The following RBM20 variants were observed in gnomAD, a reference collection of about 807,000 sequenced individuals.
RBM20 encodes the protein RNA binding motif protein 20.
Under a neutral mutation model 110.1 loss-of-function variants are expected in RBM20, and 51 were observed. That is an observed-to-expected ratio of 0.46 (90% CI 0.37 to 0.59). The LOEUF (loss-of-function observed/expected upper bound fraction) is 0.59, where lower values mean the gene tolerates loss of function less well. Ranked by LOEUF, RBM20 falls within the 20% of genes least tolerant of loss-of-function variation. The pLI is 0.00. For synonymous variants in RBM20, 589 were observed against 618.2 expected, an observed-to-expected ratio of 0.95 and a Z score of 0.70; for missense variants, 1,512 against 1,574.9, an observed-to-expected ratio of 0.96 and a Z score of 0.68.
intron 1 of RBM20, among the ~76,000 whole-genome samples, chr10:110,762,637 G>A (rs990507591): frequency 2.0e-5 from 3 of 152,162 alleles, no homozygotes; most frequent in Admixed American, 6.5e-5. Context: ...CAGGTGACAC[G>A]TGGCTCCTAC....
intron 1 of RBM20, among the ~76,000 whole-genome samples, chr10:110,760,907 T>A (rs1843989506): frequency 6.7e-6 from 1 of 149,542 alleles, no homozygotes; most frequent in African/African-American, 2.4e-5. Context: ...GCCTGGACAA[T>A]ATGGTGAAAC....
chr10:110,763,503 G>A (rs928809821), intron 1 of RBM20, among the ~76,000 whole-genome samples: 1 of 152,172 alleles, frequency 6.6e-6, no homozygotes, highest in African/African-American at 2.4e-5. Context: ...TGGAATGATG[G>A]TTGCTTTGCA....
intron 1 of RBM20, among the ~76,000 whole-genome samples, chr10:110,652,418 G>A (rs1049490159): frequency 6.6e-6 from 1 of 152,062 alleles, no homozygotes; most frequent in African/African-American, 2.4e-5. Flanking sequence ...CAGTGAGCAT[G>A]TATTACTTTT....
intron 1 of RBM20, among the ~76,000 whole-genome samples, chr10:110,670,935 T>C (rs965694423): frequency 2.0e-5 from 3 of 152,258 alleles, no homozygotes; most frequent in African/African-American, 7.2e-5. Flanking sequence ...ACATTCTATT[T>C]TCCTGTTAAC....
chr10:110,688,255 G>C (rs1304202409), intron 1 of RBM20, among the ~76,000 whole-genome samples: 1 of 152,118 alleles, frequency 6.6e-6, no homozygotes, highest in Non-Finnish European at 1.5e-5. Flanking sequence ...AACAAAATCT[G>C]ACTTGATAGG....
chr10:110,730,480 C>T (rs535996481), intron 1 of RBM20, among the ~76,000 whole-genome samples: 3 of 152,336 alleles, frequency 2.0e-5, no homozygotes, highest in African/African-American at 7.2e-5. Context: ...CCCGAGGACT[C>T]CTCTAGCCTA....
intron 1 of RBM20, 125 bp from the exon 2 acceptor site, chr10:110,780,676 T>C: frequency 1.8e-6 from 2 of 1,106,676 alleles, no homozygotes; most frequent in Non-Finnish European, 2.5e-6. Context: ...CAGATTCACT[T>C]GTATGTGGGA....
intron 1 of RBM20, among the ~76,000 whole-genome samples, chr10:110,663,670 T>G (rs1242878379): frequency 1.3e-5 from 2 of 152,126 alleles, no homozygotes; most frequent in Non-Finnish European, 2.9e-5. Flanking sequence ...ACAAAAGTAA[T>G]CCCCAAAAAT....
chr10:110,684,160 C>T (rs777307540), intron 1 of RBM20, among the ~76,000 whole-genome samples: 4 of 152,082 alleles, frequency 2.6e-5, no homozygotes, highest in Non-Finnish European at 5.9e-5. Context: ...TTTGGGAGGC[C>T]GAGGCAGGTG....
chr10:110,780,632 T>C (rs2135040162), intron 1 of RBM20, among the ~76,000 whole-genome samples, 169 bp from the exon 2 acceptor site: 1 of 152,164 alleles, frequency 6.6e-6, no homozygotes, highest in South Asian at 2.1e-4. Context: ...TTTTTTTTTT[T>C]TTTTTAATGT....
chr10:110,727,562 G>C (rs1351327506), intron 1 of RBM20, among the ~76,000 whole-genome samples: 1 of 152,030 alleles, frequency 6.6e-6, no homozygotes, highest in Admixed American at 6.6e-5. Context: ...GCAATGTTTT[G>C]ATATAAAGAA....
At chr10:110,773,963 G>A (rs1054736704) in intron 1 of RBM20, among the ~76,000 whole-genome samples, 2 of 152,138 alleles carry the variant, frequency 1.3e-5, no homozygotes, top group African/African-American at 4.8e-5. Flanking sequence ...TGTTTAACTG[G>A]CCCAAAGGAA....
Position 110,812,914 on chromosome 10 carries a change from T to G in RBM20, c.2517T>G (p.Asp839Glu). Residue 839 changes from aspartate to glutamate, a missense_variant, in exon 9 of 14, where the codon GAT becomes GAG. Physicochemically the swap from Asp to Glu is conservative, Grantham distance 45. Transcript: ENST00000369519. ...KRTDRDQEGA[D>E]DRKENTMAEN... Reference sequence around the variant, plus strand: ...CTGATAGAGACCAAGAAGGAGCTGATGATAGAAAAGAAAACACAATGGCAG... The same window carrying G: ...CTGATAGAGACCAAGAAGGAGCTGAGGATAGAAAAGAAAACACAATGGCAG... The G allele has an allele frequency of 6.9e-7, 1 of 1,453,674 alleles. No individual in the cohort carries two copies. Among genetic ancestry groups the G allele is most frequent in the Non-Finnish European group, 9.1e-7 (1 of 1,101,702 alleles). The allele number at this position is 1,453,674 out of a possible 1,614,324, so 90.0% of individuals were successfully genotyped here. A position where few individuals can be genotyped will look rare whatever the true frequency, so the allele number is the denominator to read the frequency against.
chr10:110,828,037 C>T (rs373365011), intron 12 of RBM20, among the ~76,000 whole-genome samples: 2 of 152,196 alleles, frequency 1.3e-5, no homozygotes, highest in East Asian at 3.8e-4. Context: ...TTCTGCATGA[C>T]CCTGGCCAGC....
At chr10:110,649,464 G>A (rs992228416) in intron 1 of RBM20, among the ~76,000 whole-genome samples, 1 of 152,104 alleles carries the variant, frequency 6.6e-6, no homozygotes, top group Admixed American at 6.6e-5. Context: ...TAAGAATTGA[G>A]GAAGCTTGAG....
At chr10:110,668,677 A>G (rs1862216837) in intron 1 of RBM20, among the ~76,000 whole-genome samples, 1 of 152,024 alleles carries the variant, frequency 6.6e-6, no homozygotes, top group Non-Finnish European at 1.5e-5. Context: ...TGCCAGAGAA[A>G]CCTTTTAGAA....
chr10:110,828,106 G>A (rs1564666933), intron 12 of RBM20, among the ~76,000 whole-genome samples: 1 of 152,190 alleles, frequency 6.6e-6, no homozygotes, highest in Non-Finnish European at 1.5e-5. Flanking sequence ...CAAAGTGCAA[G>A]CTCCCTCCTC....
intron 1 of RBM20, among the ~76,000 whole-genome samples, chr10:110,675,549 CG>C (rs1317705558): frequency 6.6e-6 from 1 of 152,160 alleles, no homozygotes; most frequent in African/African-American, 2.4e-5. Flanking sequence ...CAACTTCCAG[CG>C]GGTAAGGTAT....
intron 1 of RBM20, among the ~76,000 whole-genome samples, chr10:110,655,753 A>G (rs747591136): frequency 2.0e-5 from 3 of 152,240 alleles, no homozygotes; most frequent in Non-Finnish European, 4.4e-5. Flanking sequence ...AACAGAATCC[A>G]TAAACTGGGG....
Sources: allele counts gnomAD v4.1 joint callset (sites outside exome capture counted in the v4.1 genomes callset), GRCh38; gene constraint gnomAD v4.1.1; transcripts MANE v1.5; gene names NCBI Gene and HGNC (gene_info 2026-07-23, HGNC 2026-07-21).